Variants in MICU3 observed in about 807,000 individuals in gnomAD.
MICU3 encodes the protein calcium uptake protein 3, mitochondrial.
Under a neutral mutation model 66.5 loss-of-function variants are expected in MICU3, and 62 were observed. The observed-to-expected ratio is 0.93, with a 90% CI of 0.76 to 1.15. MICU3 has a LOEUF of 1.15. Among genes scored for constraint, MICU3 ranks in the 50% most tolerant of loss-of-function variants. MICU3 has a pLI of 0.00. For missense variants in MICU3, 779 were observed against 664.4 expected, an observed-to-expected ratio of 1.17 and a Z score of -1.90; for synonymous variants, 308 against 240.7, an observed-to-expected ratio of 1.28 and a Z score of -2.59.
At chr8:17,136,793 A>C in the MICU3 span, among the ~76,000 whole-genome samples, 1,036 of 151,660 alleles carry the variant, frequency 6.8e-3, 7 homozygotes, top group South Asian at 0.011. Flanking sequence ...GCCGTGGTGC[A>C]GAGGCTGTAG....
intron 11 of MICU3, 54 bp from the exon 12 acceptor site, chr8:17,114,038 GA>G: frequency 6.9e-6 from 8 of 1,163,038 alleles, no homozygotes; most frequent in South Asian, 1.4e-5. Context: ...TGTAGATCCT[GA>G]TTTTAATAAA....
chr8:17,115,534 C>T lies in MICU3; in HGVS notation c.1367-909C>T. Among the ~76,000 whole-genome samples, 2 of 152,118 alleles carry T rather than the reference C, an allele frequency of 1.3e-5. 1 individual carries two copies. The highest frequency in any genetic ancestry group is 3.9e-4 in the East Asian group (2 of 5,186). The stretch of plus-strand genomic sequence containing the variant: ...GATGGTGTCACCTGTCTTGCAGGCG[C>T]TAGAAATACGTCCATCTCTTTTTGC... On this transcript the variant is annotated intron_variant, in intron 12 of 14. Coordinates refer to ENST00000318063, the MANE Select transcript of MICU3 (RefSeq NM_181723.3).
chr8:17,028,542 G>A (rs571701235), intron 1 of MICU3, among the ~76,000 whole-genome samples: 53 of 152,288 alleles, frequency 3.5e-4, no homozygotes, highest in Non-Finnish European at 5.6e-4. Flanking sequence ...TGTGAACGGC[G>A]TAGATGAAAA....
intron 8 of MICU3, among the ~76,000 whole-genome samples, chr8:17,097,473 G>A (rs1800834836): frequency 6.6e-6 from 1 of 151,674 alleles, no homozygotes; most frequent in Admixed American, 6.6e-5. Flanking sequence ...AATATAGGCA[G>A]TGGGCAGTGT....
chr8:17,130,150 T>C, the MICU3 span, among the ~76,000 whole-genome samples: 3 of 152,112 alleles, frequency 2.0e-5, no homozygotes, highest in Non-Finnish European at 4.4e-5. Context: ...AGCCAAAAAT[T>C]TTGATACATA....
intron 7 of MICU3, among the ~76,000 whole-genome samples, chr8:17,087,871 G>A (rs1397433546): frequency 1.3e-5 from 2 of 151,932 alleles, no homozygotes; most frequent in African/African-American, 4.8e-5. Flanking sequence ...TAGATAACCA[G>A]AAATACAGTG....
At chr8:17,074,237 C>G (rs933666128) in intron 3 of MICU3, among the ~76,000 whole-genome samples, 2 of 151,734 alleles carry the variant, frequency 1.3e-5, no homozygotes, top group African/African-American at 4.8e-5. Context: ...ATTGCTCTAC[C>G]AACTAATGGA....
At chr8:17,058,652 G>A (rs909602963) in intron 1 of MICU3, among the ~76,000 whole-genome samples, 1 of 152,038 alleles carries the variant, frequency 6.6e-6, no homozygotes, top group African/African-American at 2.4e-5. Context: ...AGTTCCTTTT[G>A]ACACTTTGAT....
At chr8:17,091,388 C>A (rs961381792) in intron 8 of MICU3, among the ~76,000 whole-genome samples, 2 of 152,054 alleles carry the variant, frequency 1.3e-5, no homozygotes, top group Non-Finnish European at 2.9e-5. Flanking sequence ...TCAATTTTTG[C>A]AAATTCCACC....
At chr8:17,039,331 A>G (rs572675370) in intron 1 of MICU3, among the ~76,000 whole-genome samples, 1 of 152,316 alleles carries the variant, frequency 6.6e-6, no homozygotes, top group South Asian at 2.1e-4. Flanking sequence ...GTATGCCTGT[A>G]AATGGAGAAA....
At chr8:17,098,317 C>G in intron 8 of MICU3, 141 bp from the exon 9 acceptor site, 1 of 710,720 alleles carries the variant, frequency 1.4e-6, no homozygotes, top group South Asian at 1.5e-5. Context: ...CTGTGGTGCA[C>G]AGCAGAAAAC....
At chr8:17,104,138 C>A (rs966364437) in intron 9 of MICU3, among the ~76,000 whole-genome samples, 2 of 151,810 alleles carry the variant, frequency 1.3e-5, no homozygotes, top group Non-Finnish European at 2.9e-5. Flanking sequence ...TGTGATTAAA[C>A]ATTTCTTAAA....
chr8:17,079,054 T>C (rs944974579), intron 4 of MICU3, among the ~76,000 whole-genome samples: 14 of 152,122 alleles, frequency 9.2e-5, no homozygotes, highest in African/African-American at 3.1e-4. Flanking sequence ...AAATAATGCA[T>C]AGAAGAAAGA....
At chr8:17,137,705 CTTTTTTTTTTTTTT>C in the MICU3 span, among the ~76,000 whole-genome samples, 1,155 of 102,984 alleles carry the variant, frequency 0.011, 23 homozygotes, top group African/African-American at 0.035. Flanking sequence ...TTTTCTTTTC[CTTTTTTTTTTTTTT>C]TTTTTTTTTT....
chr8:17,070,477 C>T (rs1819389939), intron 3 of MICU3, among the ~76,000 whole-genome samples: 1 of 151,956 alleles, frequency 6.6e-6, no homozygotes, highest in Admixed American at 6.6e-5. Flanking sequence ...GAATAATTAA[C>T]ATTAAATTCA....
At chr8:17,036,207 G>A (rs1371998256) in intron 1 of MICU3, among the ~76,000 whole-genome samples, 1 of 152,038 alleles carries the variant, frequency 6.6e-6, no homozygotes, top group Non-Finnish European at 1.5e-5. Context: ...ACAGCTCTTA[G>A]GGTAGCGTGT....
intron 2 of MICU3, among the ~76,000 whole-genome samples, chr8:17,068,012 A>G (rs550298026): frequency 1.3e-5 from 2 of 152,266 alleles, no homozygotes; most frequent in South Asian, 2.1e-4. Context: ...AAAATCAGTA[A>G]TTATTTTCCA....
chr8:17,041,501 A>C (rs1814085573), intron 1 of MICU3, among the ~76,000 whole-genome samples: 1 of 152,294 alleles, frequency 6.6e-6, no homozygotes, highest in African/African-American at 2.4e-5. Flanking sequence ...AAGAAAAGGT[A>C]AAGTGGACTA....
chr8:17,062,812 G>C (rs1204739872), intron 1 of MICU3, among the ~76,000 whole-genome samples: 2 of 151,862 alleles, frequency 1.3e-5, no homozygotes, highest in East Asian at 1.9e-4. Context: ...CTGGGAGGTG[G>C]AGGTTGCAGT....
Sources: allele counts gnomAD v4.1 joint callset (sites outside exome capture counted in the v4.1 genomes callset), GRCh38; gene constraint gnomAD v4.1.1; transcripts MANE v1.5; gene names NCBI Gene and HGNC (gene_info 2026-07-23, HGNC 2026-07-21).